MAN1A2: variants seen among roughly 807,000 people sequenced by gnomAD.
MAN1A2 encodes the protein mannosidase alpha class 1A member 2.
MAN1A2 carries 26 observed loss-of-function variants against 75.7 expected under a neutral mutation model. That is an observed-to-expected ratio of 0.34 (90% CI 0.25 to 0.48). The LOEUF (loss-of-function observed/expected upper bound fraction) is 0.48, where lower values mean the gene tolerates loss of function less well. MAN1A2 is among the 20% of genes least tolerant of loss of function. MAN1A2 has a pLI of 0.99. For synonymous variants in MAN1A2, 247 were observed against 264.6 expected, an observed-to-expected ratio of 0.93 and a Z score of 0.65; for missense variants, 562 against 775.5, an observed-to-expected ratio of 0.72 and a Z score of 3.27.
intron 12 of MAN1A2, among the ~76,000 whole-genome samples, chr1:117,521,890 T>C (rs1377828694): frequency 1.3e-5 from 2 of 151,864 alleles, no homozygotes; most frequent in Non-Finnish European, 2.9e-5. Context: ...GTGACCTGGA[T>C]GAGATTGGAA....
intron 6 of MAN1A2, among the ~76,000 whole-genome samples, chr1:117,451,378 G>C (rs1319757026): frequency 6.6e-6 from 1 of 152,230 alleles, no homozygotes; most frequent in Non-Finnish European, 1.5e-5. Context: ...CATGTAGGCG[G>C]AGGGGACTTG....
At chr1:117,371,809 A>T (rs955298359) in intron 1 of MAN1A2, among the ~76,000 whole-genome samples, 8 of 151,464 alleles carry the variant, frequency 5.3e-5, no homozygotes, top group African/African-American at 1.9e-4. Context: ...TTCATGTTAA[A>T]GTCTGGATTT....
chr1:117,436,328 A>C (rs1037839190), intron 5 of MAN1A2, among the ~76,000 whole-genome samples: 21 of 152,190 alleles, frequency 1.4e-4, no homozygotes, highest in African/African-American at 5.1e-4. Context: ...GCTGAAACTC[A>C]GACCCCTGAA....
At chr1:117,378,090 A>C (rs991556966) in intron 1 of MAN1A2, among the ~76,000 whole-genome samples, 1 of 152,216 alleles carries the variant, frequency 6.6e-6, no homozygotes, top group Admixed American at 6.5e-5. Context: ...CGACGGAGTG[A>C]GACTCCATCT....
intron 1 of MAN1A2, among the ~76,000 whole-genome samples, chr1:117,379,401 G>T (rs1653258548): frequency 1.3e-5 from 2 of 151,802 alleles, no homozygotes; most frequent in African/African-American, 4.8e-5. Context: ...AGATAGTGTG[G>T]GCTCTTCTAC....
Position 117,526,880 on chromosome 1 carries a change from C to CTCTCTATATATATATATA in MAN1A2, c.*3924_*3925insCTCTATATATATATATAT. On this transcript the variant is annotated 3_prime_UTR_variant, in exon 13 of 13. Coordinates refer to ENST00000356554, the MANE Select transcript of MAN1A2 (RefSeq NM_006699.5). ...TCTCTCTCTCTCTCTCTCTCTCTCTCTATATATATATATATATATATATAT... is the reference window on the plus strand; with the variant it reads ...TCTCTCTCTCTCTCTCTCTCTCTCTCTCTCTATATATATATATATATATATATATATATATATATATAT... 9.0e-4 allele frequency: 49 copies of CTCTCTATATATATATATA among 54,502 alleles called. No homozygotes were observed. The highest frequency in any genetic ancestry group is 1.9e-3 in the Admixed American group (8 of 4,166). 3.4% of individuals were successfully genotyped at this position (54,502 alleles called of 1,614,324 possible).
At chr1:117,517,587 G>T (rs1651749612) in intron 12 of MAN1A2, among the ~76,000 whole-genome samples, 1 of 151,958 alleles carries the variant, frequency 6.6e-6, no homozygotes, top group Non-Finnish European at 1.5e-5. Flanking sequence ...TATCCAAAAT[G>T]AAACAAGAGC....
At chr1:117,501,350 C>A (rs185177715) in intron 11 of MAN1A2, among the ~76,000 whole-genome samples, 1 of 151,708 alleles carries the variant, frequency 6.6e-6, no homozygotes, top group Non-Finnish European at 1.5e-5. Flanking sequence ...GCAAAAGAGG[C>A]GGTGTCATAT....
chr1:117,500,622 A>G (rs765282167), intron 11 of MAN1A2, among the ~76,000 whole-genome samples: 5 of 151,886 alleles, frequency 3.3e-5, no homozygotes, highest in African/African-American at 1.2e-4. Flanking sequence ...TCAGACCTAG[A>G]TAGTCCTGCT....
At chr1:117,424,851 A>G (rs893003985) in intron 5 of MAN1A2, among the ~76,000 whole-genome samples, 5 of 152,116 alleles carry the variant, frequency 3.3e-5, no homozygotes, top group Admixed American at 6.5e-5. Flanking sequence ...TTTCCCCTTG[A>G]CCCAAAACTT....
chr1:117,511,031 A>T (rs907564302), intron 12 of MAN1A2, among the ~76,000 whole-genome samples: 1 of 152,092 alleles, frequency 6.6e-6, no homozygotes, highest in Non-Finnish European at 1.5e-5. Context: ...GGTTTAATTG[A>T]CTCACAGTTC....
At chr1:117,454,995 G>A (rs1393003219) in intron 6 of MAN1A2, among the ~76,000 whole-genome samples, 1 of 152,102 alleles carries the variant, frequency 6.6e-6, no homozygotes, top group Non-Finnish European at 1.5e-5. Flanking sequence ...AATAGAGAAG[G>A]AAACAACTAA....
intron 5 of MAN1A2, among the ~76,000 whole-genome samples, chr1:117,433,359 C>T (rs952574177): frequency 2.0e-5 from 3 of 152,096 alleles, no homozygotes; most frequent in Non-Finnish European, 1.5e-5. Flanking sequence ...CACATAAGAG[C>T]TACTCAACCT....
chr1:117,488,600 A>C (rs912207560), intron 8 of MAN1A2, among the ~76,000 whole-genome samples: 2 of 152,118 alleles, frequency 1.3e-5, no homozygotes, highest in African/African-American at 4.8e-5. Flanking sequence ...TGTGAAGGCC[A>C]CATGAGGAAA....
At chr1:117,414,590 T>TATAA (rs1481669641) in intron 3 of MAN1A2, 123 bp from the exon 4 acceptor site, 10 of 545,930 alleles carry the variant, frequency 1.8e-5, no homozygotes, top group Non-Finnish European at 6.6e-6. Context: ...CTTACTTTAG[T>TATAA]TTACCTTTAT....
In MAN1A2 at chr1:117,524,031, T is replaced by C. The variant is rs1332687692; in HGVS notation, c.*1074T>C. On this transcript the variant is annotated 3_prime_UTR_variant, in exon 13 of 13. Transcript: ENST00000356554. ...AACAGTGAAACTTTCTAAAATATTC[T>C]ATCTGGAATAGGGACAGGGGATCTT... is the stretch of plus-strand genomic sequence containing the variant. The C allele has an allele frequency of 1.3e-5, 2 of 152,272 alleles. No homozygotes were observed. Among genetic ancestry groups the C allele is most frequent in the Non-Finnish European group, 2.9e-5 (2 of 67,836 alleles). 9.4% of individuals were successfully genotyped at this position (152,272 alleles called of 1,614,324 possible).
intron 1 of MAN1A2, among the ~76,000 whole-genome samples, chr1:117,370,526 T>G (rs967910321): frequency 1.3e-5 from 2 of 152,136 alleles, no homozygotes; most frequent in Non-Finnish European, 2.9e-5. Flanking sequence ...AGTAATAAAC[T>G]TTCTTTTACT....
intron 2 of MAN1A2, among the ~76,000 whole-genome samples, chr1:117,402,807 G>A (rs1423018371): frequency 6.6e-6 from 1 of 151,956 alleles, no homozygotes; most frequent in East Asian, 1.9e-4. Context: ...ATACTATGCA[G>A]ATCACCTCAT....
chr1:117,372,628 T>C (rs1484322706), intron 1 of MAN1A2, among the ~76,000 whole-genome samples: 1 of 152,214 alleles, frequency 6.6e-6, no homozygotes, highest in Non-Finnish European at 1.5e-5. Flanking sequence ...ATTTATAGTA[T>C]CTATGATTTT....
Sources: allele counts gnomAD v4.1 joint callset (sites outside exome capture counted in the v4.1 genomes callset), GRCh38; gene constraint gnomAD v4.1.1; transcripts MANE v1.5; gene names NCBI Gene and HGNC (gene_info 2026-07-23, HGNC 2026-07-21).